PCDH15: variants seen among roughly 807,000 people sequenced by gnomAD.
The protein encoded by PCDH15 is protocadherin related 15.
Under a neutral mutation model 178.5 loss-of-function variants are expected in PCDH15, and 129 were observed. That is an observed-to-expected ratio of 0.72 (90% CI 0.63 to 0.84). The LOEUF (loss-of-function observed/expected upper bound fraction) is 0.84, where lower values mean the gene tolerates loss of function less well. Among genes scored for constraint, PCDH15 ranks in the 40% least tolerant of loss-of-function variants. The probability of loss-of-function intolerance (pLI) is 0.00; values close to 1 mark genes in which losing one functional copy is unlikely to be tolerated. For missense variants in PCDH15, 2,230 were observed against 2,099.9 expected (o/e 1.06, Z -1.21); for synonymous variants, 800 against 732.0 (o/e 1.09, Z -1.50).
Position 53,805,733 on chromosome 10 carries a change from A to C in PCDH15, c.*846T>G, listed in dbSNP as rs1841108324. 6.6e-6 allele frequency: 1 copy of C among 152,100 alleles called. No individual in the cohort carries two copies. Among genetic ancestry groups the C allele is most frequent in the African/African-American group, 2.4e-5 (1 of 41,428 alleles). 9.4% of individuals were successfully genotyped at this position (152,100 alleles called of 1,614,324 possible). A position where few individuals can be genotyped will look rare whatever the true frequency, so the allele number is the denominator to read the frequency against. On this transcript the variant is annotated 3_prime_UTR_variant, in exon 38 of 38. Coordinates refer to ENST00000644397, the MANE Select transcript of PCDH15 (RefSeq NM_001384140.1). ...CTTCCCTAACCTCACCATGTCTTCC[A>C]TTATGAAATTGTCGTTCTAGATGCA...
chr10:54,377,864 A>T (rs1948673747), intron 4 of PCDH15, among the ~76,000 whole-genome samples: 1 of 152,024 alleles, frequency 6.6e-6, no homozygotes, highest in African/African-American at 2.4e-5. Flanking sequence ...AGCTACTTAT[A>T]CCTATTAATT....
chr10:54,479,168 A>T (rs551216658), intron 3 of PCDH15, among the ~76,000 whole-genome samples: 1 of 152,168 alleles, frequency 6.6e-6, no homozygotes, highest in East Asian at 1.9e-4. Context: ...ATATTAATAT[A>T]GTTCTCCAAA....
chr10:54,503,264 T>TGTGTGAGAGAGA (rs35648214), intron 3 of PCDH15, among the ~76,000 whole-genome samples: 1 of 137,378 alleles, frequency 7.3e-6, no homozygotes, highest in East Asian at 2.2e-4. Flanking sequence ...TGTGTGTGTG[T>TGTGTGAGAGAGA]GATTATATAT....
At chr10:55,334,284 GTATGTGTA>G (rs1844310240) in intron 2 of PCDH15, among the ~76,000 whole-genome samples, 1 of 125,180 alleles carries the variant, frequency 8.0e-6, no homozygotes, top group African/African-American at 3.5e-5. Flanking sequence ...GTGTGTGTGT[GTATGTGTA>G]TATATCTATA....
At chr10:55,166,312 T>C (rs1049800491) in intron 2 of PCDH15, among the ~76,000 whole-genome samples, 2 of 152,182 alleles carry the variant, frequency 1.3e-5, no homozygotes, top group African/African-American at 4.8e-5. Flanking sequence ...GAAGGTTTGC[T>C]TGTTTTAAAT....
At chr10:55,240,636 G>A (rs1221287567) in intron 1 of PCDH15, among the ~76,000 whole-genome samples, 1 of 152,090 alleles carries the variant, frequency 6.6e-6, no homozygotes, top group Non-Finnish European at 1.5e-5. Context: ...TTCTTTTACT[G>A]TTCTGCAAAA....
chr10:54,924,103 C>G (rs1837557990), intron 2 of PCDH15, among the ~76,000 whole-genome samples: 1 of 137,970 alleles, frequency 7.2e-6, no homozygotes, highest in Admixed American at 7.1e-5. Context: ...AACTTAAAAT[C>G]ATGGCAGAAA....
chr10:53,987,934 A>G (rs2091217578), intron 21 of PCDH15, among the ~76,000 whole-genome samples: 1 of 152,108 alleles, frequency 6.6e-6, no homozygotes, highest in Non-Finnish European at 1.5e-5. Flanking sequence ...CTGAGAGTCT[A>G]TTTCCAGGTT....
At chr10:54,466,715 G>A (rs998665334) in intron 3 of PCDH15, among the ~76,000 whole-genome samples, 7 of 151,716 alleles carry the variant, frequency 4.6e-5, no homozygotes, top group Non-Finnish European at 8.9e-5. Flanking sequence ...TGCCATTGGC[G>A]TTTTGATAGA....
At chr10:55,200,556 G>A (rs1840216657) in intron 1 of PCDH15, among the ~76,000 whole-genome samples, 1 of 152,060 alleles carries the variant, frequency 6.6e-6, no homozygotes, top group South Asian at 2.1e-4. Context: ...AAGACTCTGG[G>A]GGACTTTTGG....
At chr10:53,866,048 T>G (rs16937801) in intron 27 of PCDH15, among the ~76,000 whole-genome samples, 1 of 152,136 alleles carries the variant, frequency 6.6e-6, no homozygotes, top group African/African-American at 2.4e-5. Context: ...ACTAAACTTC[T>G]GCACTGCCTA....
At chr10:54,222,383 C>G (rs1264478505) in intron 9 of PCDH15, among the ~76,000 whole-genome samples, 1 of 152,166 alleles carries the variant, frequency 6.6e-6, no homozygotes, top group Non-Finnish European at 1.5e-5. Context: ...TTGTTCATCA[C>G]CACCGTACTT....
chr10:55,105,027 T>C (rs1842643301), intron 2 of PCDH15, among the ~76,000 whole-genome samples: 1 of 152,206 alleles, frequency 6.6e-6, no homozygotes, highest in Admixed American at 6.5e-5. Flanking sequence ...AGTACTATAG[T>C]ATGTACTGCA....
At chr10:54,953,449 A>G (rs1838396896) in intron 2 of PCDH15, among the ~76,000 whole-genome samples, 1 of 151,360 alleles carries the variant, frequency 6.6e-6, no homozygotes, top group African/African-American at 2.4e-5. Flanking sequence ...AAGTTTCTGA[A>G]CAGGAATTTA....
chr10:55,186,049 G>C (rs905080130), intron 1 of PCDH15, among the ~76,000 whole-genome samples: 9 of 151,672 alleles, frequency 5.9e-5, no homozygotes, highest in Admixed American at 5.3e-4. Context: ...ACAGAGAAAA[G>C]TCATCAAGGA....
rs1353724608 is a variant in PCDH15 at position 54,534,644 on chromosome 10, A to G, written c.92-6767T>C. On this transcript the variant is annotated intron_variant, in intron 2 of 37. Coordinates refer to ENST00000644397, the MANE Select transcript of PCDH15 (RefSeq NM_001384140.1). ...CATGTGTTTGTATTTACACAGACAC[A>G]CACACACACTGAATCTATTGCTAAG... 2.6e-5 allele frequency among the ~76,000 whole-genome samples: 4 copies of G among 152,224 alleles called. No homozygotes were observed. The East Asian group carries it at 5.8e-4, about 22-fold the overall frequency.
chr10:54,006,838 G>A (rs146543064), intron 20 of PCDH15, among the ~76,000 whole-genome samples: 43 of 152,206 alleles, frequency 2.8e-4, no homozygotes, highest in African/African-American at 1.0e-3. Context: ...AGGTGAACCT[G>A]ATGATACTTC....
At chr10:54,777,519 A>G (rs1256789846) in intron 1 of PCDH15, among the ~76,000 whole-genome samples, 1 of 152,220 alleles carries the variant, frequency 6.6e-6, no homozygotes, top group Non-Finnish European at 1.5e-5. Context: ...CTCTCATCAC[A>G]ATAAAGCAGA....
intron 1 of PCDH15, among the ~76,000 whole-genome samples, chr10:54,667,181 G>GT (rs974721518): frequency 2.2e-4 from 34 of 151,926 alleles, no homozygotes; most frequent in African/African-American, 7.7e-4. Flanking sequence ...AATTTCTATA[G>GT]TTTTTTTACT....
Sources: gnomAD v4.1 joint callset for allele counts (sites outside exome capture counted in the v4.1 genomes callset) on GRCh38, gnomAD v4.1.1 for gene constraint, MANE v1.5 for transcripts, NCBI Gene and HGNC (gene_info 2026-07-23, HGNC 2026-07-21) for gene names.